The following GTF2F2 variants were observed in gnomAD, a reference collection of about 807,000 sequenced individuals.
The protein encoded by GTF2F2 is general transcription factor IIF subunit 2, also known as ATP-dependent helicase GTF2F2.
Under a neutral mutation model 42.2 loss-of-function variants are expected in GTF2F2, and 23 were observed. The ratio of observed to expected loss-of-function variants is 0.55; its 90% CI spans 0.39 to 0.77. The LOEUF is 0.77. Among genes scored for constraint, GTF2F2 ranks in the 30% least tolerant of loss-of-function variants. The pLI, the probability that GTF2F2 is intolerant of heterozygous loss-of-function variation, is 0.00. For missense variants in GTF2F2, 261 were observed against 287.2 expected (o/e 0.91, Z 0.66); for synonymous variants, 105 against 100.8 (o/e 1.04, Z -0.25).
At chr13:45,214,976 T>TAAC (rs1873829398) in intron 5 of GTF2F2, among the ~76,000 whole-genome samples, 1 of 150,306 alleles carries the variant, frequency 6.7e-6, no homozygotes, top group African/African-American at 2.5e-5. Context: ...TTTGTGGATT[T>TAAC]TTTCCAAAAA....
intron 7 of GTF2F2, among the ~76,000 whole-genome samples, chr13:45,280,039 G>C (rs1259414755): frequency 1.3e-5 from 2 of 152,120 alleles, no homozygotes; most frequent in African/African-American, 2.4e-5. Context: ...CTAAGGTAAG[G>C]CTGTTAGAGA....
chr13:45,186,988 T>C (rs1281513298), intron 4 of GTF2F2, among the ~76,000 whole-genome samples: 3 of 152,228 alleles, frequency 2.0e-5, no homozygotes, highest in African/African-American at 7.2e-5. Context: ...AACTTGCTTT[T>C]AAATGCAACT....
At chr13:45,203,316 C>A (rs1873286519) in intron 4 of GTF2F2, among the ~76,000 whole-genome samples, 1 of 151,754 alleles carries the variant, frequency 6.6e-6, no homozygotes, top group Non-Finnish European at 1.5e-5. Flanking sequence ...AACTCCTGGC[C>A]TCAAGTGATC....
chr13:45,137,021 G>A (rs1421131214), intron 2 of GTF2F2, among the ~76,000 whole-genome samples: 1 of 152,156 alleles, frequency 6.6e-6, no homozygotes. Flanking sequence ...AGTGACTGGT[G>A]GTATAAATAT....
At position 45,228,586 on chromosome 13, in the gene GTF2F2, T is replaced by C. The variant is rs1026511938; in HGVS notation, c.386+21081T>C. Among the ~76,000 whole-genome samples the C allele has an allele frequency of 1.6e-4, 24 of 151,224 alleles. No individual in the cohort carries two copies. The South Asian group carries it at 2.5e-3, about 16-fold the overall frequency. ...TAACCAATGGGCACTGAGCAGCTTCTCCTCATCCCTTGGGTATTGTTCTCC... is the reference window on the plus strand; with the variant it reads ...TAACCAATGGGCACTGAGCAGCTTCCCCTCATCCCTTGGGTATTGTTCTCC... On this transcript the variant is annotated intron_variant, in intron 5 of 7. Coordinates refer to ENST00000340473, the MANE Select transcript of GTF2F2 (RefSeq NM_004128.3).
At chr13:45,144,457 CTTTTTTTTTTTTTTTT>C (rs11326737) in intron 2 of GTF2F2, among the ~76,000 whole-genome samples, 2 of 74,040 alleles carry the variant, frequency 2.7e-5, no homozygotes, top group African/African-American at 1.1e-4. Context: ...TTTTTTTGGT[CTTTTTTTTTTTTTTTT>C]TTTTTGAGAC....
chr13:45,225,986 GAAT>G (rs1001581445), intron 5 of GTF2F2, among the ~76,000 whole-genome samples: 14 of 151,684 alleles, frequency 9.2e-5, no homozygotes, highest in Admixed American at 7.2e-4. Context: ...GATTCTGTTG[GAAT>G]TAGGAAAAAT....
intron 4 of GTF2F2, among the ~76,000 whole-genome samples, chr13:45,177,014 T>C (rs1056426802): frequency 2.0e-5 from 3 of 152,112 alleles, no homozygotes; most frequent in Admixed American, 1.3e-4. Flanking sequence ...GGTTTTGAAC[T>C]CCTGGCCTCA....
chr13:45,165,461 A>G lies in GTF2F2; in HGVS notation c.304+13630A>G, dbSNP rs1041082285. ...TATACAGTAAAGAGAAAAATGAAGT[A>G]TAAAATTGAAGTGTGACCGATTTCT... On this transcript the variant is annotated intron_variant, in intron 4 of 7. Transcript: ENST00000340473. Among the ~76,000 whole-genome samples the G allele has an allele frequency of 1.6e-4, 24 of 151,896 alleles. 1 individual carries two copies. Among genetic ancestry groups the G allele is most frequent in the African/African-American group, 4.6e-4 (19 of 41,430 alleles).
At chr13:45,193,678 G>A in intron 4 of GTF2F2, 1 of 953,680 alleles carries the variant, frequency 1.0e-6, no homozygotes, top group Non-Finnish European at 1.6e-6. Flanking sequence ...TAGTAGCAGG[G>A]CTCTGTAGTA....
chr13:45,191,222 A>ATATATATATAT (rs1555267758), intron 4 of GTF2F2, among the ~76,000 whole-genome samples: 148 of 69,864 alleles, frequency 2.1e-3, no homozygotes, highest in African/African-American at 7.9e-3. Context: ...ATACAAAAAA[A>ATATATATATAT]AAATATATAT....
At chr13:45,233,188 C>T (rs1358711196) in intron 5 of GTF2F2, among the ~76,000 whole-genome samples, 4 of 152,156 alleles carry the variant, frequency 2.6e-5, no homozygotes, top group Non-Finnish European at 5.9e-5. Context: ...CAGTAATATG[C>T]TATGATTGTG....
rs797012710 is a variant in GTF2F2, at chr13:45,185,270, C to G, written c.305-22154C>G. ...TGATATCCAGATAATCCAAATTTTC[C>G]TTAAGACACAAAGAAAGAGCAGAGG... On this transcript the variant is annotated intron_variant, in intron 4 of 7. Coordinates refer to ENST00000340473, the MANE Select transcript of GTF2F2 (RefSeq NM_004128.3). Among the ~76,000 whole-genome samples, 14 of 152,166 alleles carry G rather than the reference C, an allele frequency of 9.2e-5. 1 individual carries two copies. Among genetic ancestry groups the G allele is most frequent in the African/African-American group, 3.4e-4 (14 of 41,460 alleles).
At chr13:45,159,261 A>G (rs1402827376) in intron 4 of GTF2F2, among the ~76,000 whole-genome samples, 1 of 152,268 alleles carries the variant, frequency 6.6e-6, no homozygotes, top group Non-Finnish European at 1.5e-5. Context: ...AAGAATGTAT[A>G]GCAATGGTAG....
intron 5 of GTF2F2, among the ~76,000 whole-genome samples, chr13:45,249,718 T>C (rs1875794838): frequency 6.6e-6 from 1 of 152,170 alleles, no homozygotes; most frequent in Non-Finnish European, 1.5e-5. Flanking sequence ...TAAGATCAAA[T>C]CGTGGAGATG....
At chr13:45,198,045 A>C (rs962473668) in intron 4 of GTF2F2, among the ~76,000 whole-genome samples, 2 of 152,270 alleles carry the variant, frequency 1.3e-5, no homozygotes, top group Non-Finnish European at 2.9e-5. Context: ...TATTAGAGTT[A>C]GATCACCTCT....
In GTF2F2 at chr13:45,165,098, A is replaced by G. The variant is rs146028407; in HGVS notation, c.304+13267A>G. On this transcript the variant is annotated intron_variant, in intron 4 of 7. Transcript: ENST00000340473. ...CTGTTGAGCACTTATTTTATTTGCT[A>G]TGATGAGCACTTACACAGTGTGGAT... 1.7e-4 allele frequency among the ~76,000 whole-genome samples: 26 copies of G among 152,206 alleles called. No homozygotes were observed. The South Asian group carries it at 3.5e-3, about 21-fold the overall frequency.
At chr13:45,152,253 C>T (rs1870538365) in intron 4 of GTF2F2, among the ~76,000 whole-genome samples, 1 of 152,132 alleles carries the variant, frequency 6.6e-6, no homozygotes, top group South Asian at 2.1e-4. Flanking sequence ...AATACTGTTC[C>T]ATCTCTCATT....
rs750878169 is a variant in GTF2F2, at chr13:45,277,781, CCTT to C, written c.631-5657_631-5655del. Reference sequence around the variant, plus strand: ...GAAATTATCACAGAATCGATAATGCCCTTCTTGTGGTTGGATCACTTTATAAAA... The same window carrying C: ...GAAATTATCACAGAATCGATAATGCCCTTGTGGTTGGATCACTTTATAAAA... On this transcript the variant is annotated intron_variant, in intron 7 of 7. Transcript: ENST00000340473. Among the ~76,000 whole-genome samples, 23 of 152,150 alleles carry C rather than the reference CCTT, an allele frequency of 1.5e-4. No homozygotes were observed. In the East Asian group the frequency reaches 1.9e-3, roughly 13 times the overall value.
Sources: gnomAD v4.1 joint callset for allele counts (sites outside exome capture counted in the v4.1 genomes callset) on GRCh38, gnomAD v4.1.1 for gene constraint, MANE v1.5 for transcripts, NCBI Gene and HGNC (gene_info 2026-07-23, HGNC 2026-07-21) for gene names.